The following ADGRL2 variants were observed in gnomAD, a reference collection of about 807,000 sequenced individuals.
ADGRL2 encodes the protein calcium-independent alpha-latrotoxin receptor 2.
Under a neutral mutation model 157.4 loss-of-function variants are expected in ADGRL2, and 44 were observed. The ratio of observed to expected loss-of-function variants is 0.28; its 90% CI spans 0.22 to 0.36. The LOEUF (loss-of-function observed/expected upper bound fraction) is 0.36. ADGRL2 is among the 10% of genes least tolerant of loss of function. The probability of loss-of-function intolerance (pLI) is 1.00; values close to 1 mark genes in which losing one functional copy is unlikely to be tolerated. For missense variants in ADGRL2, 1,510 were observed against 1,768.9 expected (o/e 0.85, Z 2.63); for synonymous variants, 585 against 624.7 (o/e 0.94, Z 0.95).
At chr1:81,306,216 TC>T (rs924005528) in exon 1 of ADGRL2, 9 of 152,336 alleles carry the variant, frequency 5.9e-5, no homozygotes, top group African/African-American at 2.2e-4. Flanking sequence ...CACTCTTCCA[TC>T]TTTTTGCCAT....
intron 1 of ADGRL2, among the ~76,000 whole-genome samples, chr1:81,362,973 A>G (rs574628908): frequency 6.6e-6 from 1 of 152,128 alleles, no homozygotes; most frequent in South Asian, 2.1e-4. Context: ...TTGGATTATG[A>G]CAGATACACA....
At chr1:81,722,568 A>G in intron 1 of ADGRL2, 1 of 1,494,784 alleles carries the variant, frequency 6.7e-7, no homozygotes, top group South Asian at 1.1e-5. Context: ...GAGGGAAAGC[A>G]CACAGACGCC....
intron 3 of ADGRL2, among the ~76,000 whole-genome samples, chr1:81,930,758 A>G (rs1213136721): frequency 1.3e-5 from 2 of 151,880 alleles, no homozygotes; most frequent in Non-Finnish European, 2.9e-5. Flanking sequence ...TTCATTCCAG[A>G]ATTGAACCAT....
intron 2 of ADGRL2, among the ~76,000 whole-genome samples, chr1:81,838,072 T>C (rs2092373141): frequency 6.6e-6 from 1 of 152,026 alleles, no homozygotes; most frequent in African/African-American, 2.4e-5. Context: ...CTTATACCGA[T>C]TATTAAAATG....
intron 1 of ADGRL2, among the ~76,000 whole-genome samples, chr1:81,359,853 G>C (rs2075947558): frequency 6.6e-6 from 1 of 151,806 alleles, no homozygotes; most frequent in Non-Finnish European, 1.5e-5. Flanking sequence ...AGCTATCCTA[G>C]ATTCTTCTCT....
At chr1:81,617,851 T>C (rs2081695910) in intron 3 of ADGRL2, among the ~76,000 whole-genome samples, 1 of 152,200 alleles carries the variant, frequency 6.6e-6, no homozygotes, top group African/African-American at 2.4e-5. Context: ...GCTGGGGTCA[T>C]TGGAACTAAA....
intron 1 of ADGRL2, among the ~76,000 whole-genome samples, chr1:81,828,361 GC>G (rs1275595641): frequency 3.9e-5 from 6 of 152,256 alleles, no homozygotes; most frequent in African/African-American, 1.4e-4. Context: ...ATAATTTTAA[GC>G]TCAAGAGATT....
chr1:81,893,834 G>A (rs1189353314), intron 2 of ADGRL2, among the ~76,000 whole-genome samples: 2 of 152,112 alleles, frequency 1.3e-5, no homozygotes, highest in Non-Finnish European at 2.9e-5. Flanking sequence ...CAAATGTTGT[G>A]TTGACAAGAT....
At chr1:81,679,636 A>G (rs1230048309) in intron 3 of ADGRL2, among the ~76,000 whole-genome samples, 1 of 152,146 alleles carries the variant, frequency 6.6e-6, no homozygotes, top group Non-Finnish European at 1.5e-5. Context: ...TAGTGTCTCA[A>G]CCTTTGCTAT....
At chr1:81,599,880 A>C (rs1489513723) in intron 3 of ADGRL2, among the ~76,000 whole-genome samples, 1 of 152,218 alleles carries the variant, frequency 6.6e-6, no homozygotes, top group African/African-American at 2.4e-5. Context: ...ATGTTTCCCA[A>C]GTTTTGAGAC....
chr1:81,321,687 A>C (rs1660510938), intron 1 of ADGRL2, among the ~76,000 whole-genome samples: 3 of 152,142 alleles, frequency 2.0e-5, no homozygotes, highest in Non-Finnish European at 4.4e-5. Flanking sequence ...GATGTGGCTC[A>C]TGGTGTTCCT....
At chr1:81,974,709 G>A (rs1389435871) in intron 17 of ADGRL2, among the ~76,000 whole-genome samples, 1 of 152,118 alleles carries the variant, frequency 6.6e-6, no homozygotes. Flanking sequence ...TCAGACGGAT[G>A]TGATTCAATT....
chr1:81,913,840 A>G (rs1340204857), intron 3 of ADGRL2, among the ~76,000 whole-genome samples: 2 of 152,180 alleles, frequency 1.3e-5, no homozygotes, highest in Non-Finnish European at 2.9e-5. Context: ...AACCTCATTC[A>G]TTTAATATCT....
chr1:81,543,365 C>G (rs951069995), intron 2 of ADGRL2, among the ~76,000 whole-genome samples: 1 of 152,106 alleles, frequency 6.6e-6, no homozygotes, highest in Admixed American at 6.5e-5. Flanking sequence ...AAGGCATTAT[C>G]TATGAAGAAG....
At chr1:81,592,573 G>A (rs1281590878) in intron 3 of ADGRL2, among the ~76,000 whole-genome samples, 1 of 152,146 alleles carries the variant, frequency 6.6e-6, no homozygotes, top group Non-Finnish European at 1.5e-5. Flanking sequence ...CTTGACTTGG[G>A]ATCTCTAAAA....
intron 1 of ADGRL2, among the ~76,000 whole-genome samples, chr1:81,370,974 G>C (rs760949685): frequency 5.9e-5 from 9 of 152,086 alleles, no homozygotes; most frequent in Non-Finnish European, 1.2e-4. Flanking sequence ...CTAGTCTAGC[G>C]TTTAATGGGA....
intron 1 of ADGRL2, among the ~76,000 whole-genome samples, chr1:81,731,343 C>T (rs991580311): frequency 6.6e-6 from 1 of 152,040 alleles, no homozygotes; most frequent in Non-Finnish European, 1.5e-5. Context: ...CCTACACTGG[C>T]TTTCTAATCT....
At chr1:81,595,048 T>G (rs2081205299) in intron 3 of ADGRL2, among the ~76,000 whole-genome samples, 1 of 152,212 alleles carries the variant, frequency 6.6e-6, no homozygotes, top group Non-Finnish European at 1.5e-5. Context: ...TGGTGGTTAC[T>G]GCCTTCAGGG....
chr1:81,730,715 T>C (rs2084692723), intron 1 of ADGRL2, among the ~76,000 whole-genome samples: 1 of 144,892 alleles, frequency 6.9e-6, no homozygotes, highest in African/African-American at 2.7e-5. Context: ...AGAGTGAGAC[T>C]CCATCTCAAA....
Sources: gnomAD v4.1 joint callset for allele counts (sites outside exome capture counted in the v4.1 genomes callset) on GRCh38, gnomAD v4.1.1 for gene constraint, MANE v1.5 for transcripts, NCBI Gene and HGNC (gene_info 2026-07-23, HGNC 2026-07-21) for gene names.